ZNF622: variants seen among roughly 807,000 people sequenced by gnomAD.
The protein encoded by ZNF622 is zinc finger protein 622.
Under a neutral mutation model 49.7 loss-of-function variants are expected in ZNF622, and 34 were observed. The observed-to-expected ratio is 0.68, with a 90% CI of 0.52 to 0.91. The LOEUF (loss-of-function observed/expected upper bound fraction) is 0.91, where lower values mean the gene tolerates loss of function less well. Among genes scored for constraint, ZNF622 ranks in the 40% least tolerant of loss-of-function variants. The pLI is 0.00. For synonymous variants in ZNF622, 209 were observed against 228.7 expected, an observed-to-expected ratio of 0.91 and a Z score of 0.78; for missense variants, 569 against 616.4, an observed-to-expected ratio of 0.92 and a Z score of 0.81.
At chr5:16,452,983 A>G (rs750870017) in intron 5 of ZNF622, 30 bp downstream of exon 5, 2 of 1,384,490 alleles carry the variant, frequency 1.4e-6, no homozygotes, top group Non-Finnish European at 1.9e-6. Flanking sequence ...AAGTTCTCAG[A>G]CTGGTCTGTA....
Position 16,463,622 on chromosome 5 carries a change from A to AT in ZNF622, c.745dup (p.Ile249AsnfsTer33). The AT allele has an allele frequency of 6.2e-7, 1 of 1,614,252 alleles. No individual in the cohort carries two copies. The highest frequency in any genetic ancestry group is 8.5e-7 in the Non-Finnish European group (1 of 1,180,042). ...ACAAAATAAGCAGTCCGTGATAGGG[A>AT]TGGCACCAAGGGGTGGGCCTTCCTC... On this transcript the variant is annotated frameshift_variant, in exon 2 of 6. Coordinates refer to ENST00000308683, the MANE Select transcript of ZNF622 (RefSeq NM_033414.3). LOFTEE classifies it high-confidence loss of function. The surrounding 1 kb of genome is among the most constrained non-coding windows in gnomAD (Gnocchi z 4.2).
At position 16,463,926 on chromosome 5, in the gene ZNF622, G is replaced by A. The variant is rs768608100; in HGVS notation, c.626-184C>T. 2.6e-5 allele frequency among the ~76,000 whole-genome samples: 4 copies of A among 152,136 alleles called. No homozygotes were observed. Among genetic ancestry groups the A allele is most frequent in the Admixed American group, 2.0e-4 (3 of 15,276 alleles). ...TGTTTACCACAGACTCATCTGAATG[G>A]CCATGAAACTCCTTAGTCTTTCTTT... On this transcript the variant is annotated intron_variant, in intron 1 of 5. Transcript: ENST00000308683. This position sits in a 1 kb window ranked among gnomAD's most constrained non-coding sequence, Gnocchi z 4.2.
rs1228944586 is a variant in ZNF622 at position 16,463,928 on chromosome 5, C to T, written c.626-186G>A. Among the ~76,000 whole-genome samples the T allele has an allele frequency of 6.6e-6, 1 of 152,204 alleles. No individual in the cohort carries two copies. Among genetic ancestry groups the T allele is most frequent in the African/African-American group, 2.4e-5 (1 of 41,456 alleles). On this transcript the variant is annotated intron_variant, in intron 1 of 5. Transcript: ENST00000308683. This position sits in a 1 kb window ranked among gnomAD's most constrained non-coding sequence, Gnocchi z 4.2. The stretch of plus-strand genomic sequence containing the variant: ...TTTACCACAGACTCATCTGAATGGC[C>T]ATGAAACTCCTTAGTCTTTCTTTTC...
chr5:16,462,181 G>A (rs1369114991), intron 3 of ZNF622, among the ~76,000 whole-genome samples: 2 of 152,158 alleles, frequency 1.3e-5, no homozygotes, highest in Non-Finnish European at 2.9e-5. Flanking sequence ...AAATCAGGGA[G>A]AAAATGCAAA....
Position 16,463,692 on chromosome 5 carries a change from C to A in ZNF622, c.676G>T (p.Ala226Ser). 1 of 1,614,222 alleles carries A rather than the reference C, an allele frequency of 6.2e-7. No individual in the cohort carries two copies. Among genetic ancestry groups the A allele is most frequent in the Admixed American group, 1.7e-5 (1 of 60,028 alleles). ...DEELECEDTEAMDDVVEQDAE... is the reference protein window; with the variant it reads ...DEELECEDTESMDDVVEQDAE... ...TCCTGCTCCACCACATCGTCCATTG[C>A]TTCAGTATCCTCACATTCCAATTCT... is the stretch of plus-strand genomic sequence containing the variant. The change falls in exon 2 of 6, where the codon GCA (alanine) becomes TCA (serine). Residue 226 changes from alanine to serine, a missense_variant. Physicochemically the swap from Ala to Ser is moderately conservative, Grantham distance 99 (BLOSUM62 1). Coordinates refer to ENST00000308683, the MANE Select transcript of ZNF622 (RefSeq NM_033414.3). The surrounding 1 kb of genome is among the most constrained non-coding windows in gnomAD (Gnocchi z 4.2).
At position 16,465,463 on chromosome 5, in the gene ZNF622, T is replaced by C. The variant is rs1738203998; in HGVS notation, c.203A>G (p.Tyr68Cys). The C allele has an allele frequency of 6.2e-7, 1 of 1,614,108 alleles. No individual in the cohort carries two copies. Among genetic ancestry groups the C allele is most frequent in the Non-Finnish European group, 8.5e-7 (1 of 1,180,050 alleles). The change falls in exon 1 of 6, where the codon TAC becomes TGC. Residue 68 changes from tyrosine to cysteine, a missense_variant. Physicochemically the swap from Tyr to Cys is radical, Grantham distance 194. Transcript: ENST00000308683. This position sits in a 1 kb window ranked among gnomAD's most constrained non-coding sequence, Gnocchi z 6.2. ...AEEESKGSAT[Y>C]CTVCSKKFAS... ...AAACTTCTTACTGCAAACGGTGCAG[T>C]AGGTGGCCGAGCCCTTGCTCTCCTC...
At chr5:16,455,445 G>A (rs1579562537) in intron 4 of ZNF622, among the ~76,000 whole-genome samples, 1 of 152,316 alleles carries the variant, frequency 6.6e-6, no homozygotes, top group Middle Eastern at 3.4e-3. Flanking sequence ...ATACTCAAGA[G>A]ATGACAAAAA....
intron 3 of ZNF622, 135 bp from the exon 4 acceptor site, chr5:16,458,764 C>T: frequency 1.7e-6 from 1 of 582,368 alleles, no homozygotes; most frequent in Non-Finnish European, 3.0e-6. Context: ...GTAGGAACTA[C>T]CAGCTAAAAG....
In ZNF622 at chr5:16,463,193, G is replaced by A; in HGVS notation, c.964C>T (p.Gln322Ter). Residue 322 changes from glutamine to a stop codon, truncating the protein, a stop_gained, in exon 3 of 6, where the codon CAG becomes TAG. Coordinates refer to ENST00000308683, the MANE Select transcript of ZNF622 (RefSeq NM_033414.3). LOFTEE classifies it high-confidence loss of function. The surrounding 1 kb of genome is among the most constrained non-coding windows in gnomAD (Gnocchi z 4.2). ...GKSFYSTEAV[Q>*]AHMNDKSHCK... ...TGGCTTTTGTCATTCATATGTGCCTGTACAGCTTCTGTGGAGTAGAAGGAC... is the reference window on the plus strand; with the variant it reads ...TGGCTTTTGTCATTCATATGTGCCTATACAGCTTCTGTGGAGTAGAAGGAC... 1.9e-6 allele frequency: 3 copies of A among 1,613,954 alleles called. No individual in the cohort carries two copies. Among genetic ancestry groups the A allele is most frequent in the Non-Finnish European group, 1.7e-6 (2 of 1,179,980 alleles).
intron 4 of ZNF622, among the ~76,000 whole-genome samples, chr5:16,453,441 C>G (rs1470080497): frequency 6.6e-6 from 1 of 151,056 alleles, no homozygotes; most frequent in East Asian, 1.9e-4. Flanking sequence ...GCATTGTGTA[C>G]TTACTTGCAT....
chr5:16,451,924 G>T, intron 5 of ZNF622, 140 bp from the exon 6 acceptor site: 1 of 1,053,568 alleles, frequency 9.5e-7, no homozygotes, highest in Non-Finnish European at 1.3e-6. Flanking sequence ...CTAACTTGGG[G>T]TCTCTAAGCC....
At chr5:16,453,239 C>T (rs1400624179) in intron 4 of ZNF622, 83 bp from the exon 5 acceptor site, 13 of 1,295,362 alleles carry the variant, frequency 1.0e-5, no homozygotes, top group Non-Finnish European at 2.0e-6. Context: ...CTTTCCAAAT[C>T]AGATCTTTTA....
At chr5:16,452,662 T>A (rs1737953258) in intron 5 of ZNF622, among the ~76,000 whole-genome samples, 1 of 152,190 alleles carries the variant, frequency 6.6e-6, no homozygotes, top group Non-Finnish European at 1.5e-5. Flanking sequence ...CACGTCTGAC[T>A]CCACAGCTCA....
At position 16,465,403 on chromosome 5, in the gene ZNF622, G is replaced by A; in HGVS notation, c.263C>T (p.Ser88Phe). Residue 88 changes from serine to phenylalanine, a missense_variant, in exon 1 of 6, where the codon TCC (serine) becomes TTC (phenylalanine). Ser to Phe is a radical substitution (Grantham distance 155, BLOSUM62 -2). Transcript: ENST00000308683. This position sits in a 1 kb window ranked among gnomAD's most constrained non-coding sequence, Gnocchi z 6.2. ...SFNAYENHLK[S>F]RRHVELEKKA... is the part of the protein sequence containing the mutation. ...CTTCTCCAGCTCAACGTGACGCCGG[G>A]ACTTGAGGTGGTTCTCGTAGGCGTT... The A allele has an allele frequency of 6.2e-7, 1 of 1,614,260 alleles. No individual in the cohort carries two copies. Among genetic ancestry groups the A allele is most frequent in the East Asian group, 2.2e-5 (1 of 44,880 alleles).
At position 16,463,415 on chromosome 5, in the gene ZNF622, T is replaced by C; in HGVS notation, c.886+67A>G. 2.0e-6 allele frequency: 3 copies of C among 1,521,662 alleles called. No homozygotes were observed. Among genetic ancestry groups the C allele is most frequent in the Non-Finnish European group, 2.7e-6 (3 of 1,126,870 alleles). The allele number at this position is 1,521,662 out of a possible 1,614,324, so 94.3% of individuals were successfully genotyped here. Reference sequence around the variant, plus strand: ...ATTGATGAAAAATGCAAAACTAATGTTCCCTTGAGACCAGTCCCCCAATAA... The same window carrying C: ...ATTGATGAAAAATGCAAAACTAATGCTCCCTTGAGACCAGTCCCCCAATAA... On this transcript the variant is annotated intron_variant, in intron 2 of 5. Coordinates refer to ENST00000308683, the MANE Select transcript of ZNF622 (RefSeq NM_033414.3). The surrounding 1 kb of genome is among the most constrained non-coding windows in gnomAD (Gnocchi z 4.2).
chr5:16,465,003 G>A lies in ZNF622; in HGVS notation c.625+38C>T. On this transcript the variant is annotated intron_variant, in intron 1 of 5. Transcript: ENST00000308683. The surrounding 1 kb of genome is among the most constrained non-coding windows in gnomAD (Gnocchi z 6.2). ...ATCTGGAAACTTAAGGGTGGGCCAA[G>A]TTCCTCTTTACCCTCCCCGCCCAGA... The A allele has an allele frequency of 6.5e-7, 1 of 1,529,624 alleles. No homozygotes were observed. Among genetic ancestry groups the A allele is most frequent in the Non-Finnish European group, 8.8e-7 (1 of 1,140,444 alleles). The allele number at this position is 1,529,624 out of a possible 1,614,324, so 94.8% of individuals were successfully genotyped here.
chr5:16,458,638 G>C lies in ZNF622; in HGVS notation c.1050-9C>G, dbSNP rs375743878. 6.4e-7 allele frequency: 1 copy of C among 1,565,060 alleles called. No homozygotes were observed. The highest frequency in any genetic ancestry group is 1.1e-5 in the South Asian group (1 of 87,598). ...GATCTGGATAGCTACTCCTATAACAGAGAAATTGCACTAATAAATAGACTA... is the reference window on the plus strand; with the variant it reads ...GATCTGGATAGCTACTCCTATAACACAGAAATTGCACTAATAAATAGACTA... On this transcript the variant is annotated splice_polypyrimidine_tract_variant and intron_variant, in intron 3 of 5. Transcript: ENST00000308683.
chr5:16,455,774 G>A (rs1317533244), intron 4 of ZNF622, among the ~76,000 whole-genome samples: 3 of 152,184 alleles, frequency 2.0e-5, no homozygotes, highest in East Asian at 1.9e-4. Flanking sequence ...CCTACAGCAC[G>A]TTGGCCTTTT....
chr5:16,463,532 A>G lies in ZNF622; in HGVS notation c.836T>C (p.Ile279Thr). 3 of 1,614,142 alleles carry G rather than the reference A, an allele frequency of 1.9e-6. No individual in the cohort carries two copies. The highest frequency in any genetic ancestry group is 2.5e-6 in the Non-Finnish European group (3 of 1,179,962). The change falls in exon 2 of 6, where the codon ATT becomes ACT. Residue 279 changes from isoleucine to threonine, a missense_variant. Transcript: ENST00000308683. The surrounding 1 kb of genome is among the most constrained non-coding windows in gnomAD (Gnocchi z 4.2). ...ATCTGAAAGATATTCTATATCAGGA[A>G]TAAAGAAACTGTGGTCTTTGGTCAT... ...AHMTKDHSFF[I>T]PDIEYLSDIK...
Sources: gnomAD v4.1 joint callset for allele counts (sites outside exome capture counted in the v4.1 genomes callset) on GRCh38, gnomAD v4.1.1 for gene constraint, Gnocchi (gnomAD v3.1) non-coding constraint, MANE v1.5 for transcripts, NCBI Gene and HGNC (gene_info 2026-07-23, HGNC 2026-07-21) for gene names.